ERAP1: variants seen among roughly 807,000 people sequenced by gnomAD.
The protein encoded by ERAP1 is adipocyte-derived leucine aminopeptidase.
ERAP1 carries 86 observed loss-of-function variants against 103.7 expected under a neutral mutation model. That is an observed-to-expected ratio of 0.83 (90% CI 0.70 to 0.99). ERAP1 has a LOEUF of 0.99. ERAP1 is among the 50% of genes least tolerant of loss of function. The pLI, the probability that ERAP1 is intolerant of heterozygous loss-of-function variation, is 0.00. For missense variants in ERAP1, 1,009 were observed against 1,128.4 expected (o/e 0.89, Z 1.52); for synonymous variants, 398 against 402.4 (o/e 0.99, Z 0.13).
chr5:96,888,825 G>A, the ERAP1 span, among the ~76,000 whole-genome samples: 4 of 152,240 alleles, frequency 2.6e-5, no homozygotes, highest in South Asian at 8.3e-4. Context: ...TGTGTTTGTG[G>A]TCATCATTTT....
At chr5:96,873,185 T>C in the ERAP1 span, 1 of 366,044 alleles carries the variant, frequency 2.7e-6, no homozygotes, top group East Asian at 7.4e-5. Flanking sequence ...TGAGACTTTG[T>C]CAAAAAAAAA....
At chr5:96,782,275 C>T (rs1775322097) in intron 15 of ERAP1, among the ~76,000 whole-genome samples, 1 of 152,076 alleles carries the variant, frequency 6.6e-6, no homozygotes, top group African/African-American at 2.4e-5. Context: ...TCCCAAAGTG[C>T]TGGGATTACA....
chr5:96,837,929 C>G, the ERAP1 span, among the ~76,000 whole-genome samples: 2 of 152,116 alleles, frequency 1.3e-5, no homozygotes, highest in Admixed American at 6.5e-5. Context: ...ATCAAGCCGT[C>G]CCTCTGAAGT....
chr5:96,881,274 G>C, the ERAP1 span: 2 of 386,588 alleles, frequency 5.2e-6, no homozygotes, highest in African/African-American at 2.1e-5. Flanking sequence ...GGTCATTGCA[G>C]TAGTTCAGGT....
the ERAP1 span, among the ~76,000 whole-genome samples, chr5:96,890,371 T>C: frequency 1.3e-5 from 2 of 152,216 alleles, no homozygotes; most frequent in Non-Finnish European, 2.9e-5. Context: ...GAGAATCTAA[T>C]GACACCTCTG....
chr5:96,892,021 A>G, the ERAP1 span, among the ~76,000 whole-genome samples: 762 of 152,276 alleles, frequency 5.0e-3, 4 homozygotes, highest in African/African-American at 0.017. Context: ...GGCACCCAAA[A>G]TATTTTCAGA....
chr5:96,795,813 A>G (rs1777287892), intron 4 of ERAP1, among the ~76,000 whole-genome samples: 1 of 152,246 alleles, frequency 6.6e-6, no homozygotes, highest in African/African-American at 2.4e-5. Flanking sequence ...AACATAATTC[A>G]TAATACAAAC....
chr5:96,904,324 G>T, the ERAP1 span, among the ~76,000 whole-genome samples: 2 of 152,160 alleles, frequency 1.3e-5, no homozygotes, highest in Non-Finnish European at 2.9e-5. Flanking sequence ...ATTGTGCATT[G>T]CAAGCTTTCC....
Position 96,795,126 on chromosome 5 carries a change from CTTGAT to C in ERAP1, c.830_834del (p.Asn277SerfsTer16). 6.2e-7 allele frequency: 1 copy of C among 1,613,842 alleles called. No individual in the cohort carries two copies. Among genetic ancestry groups the C allele is most frequent in the African/African-American group, 1.3e-5 (1 of 74,984 alleles). On this transcript the variant is annotated frameshift_variant, in exon 5 of 19. Coordinates refer to ENST00000443439, the MANE Select transcript of ERAP1 (RefSeq NM_001040458.3). LOFTEE classifies it high-confidence loss of function. Reference sequence around the variant, plus strand: ...ACCGCAGCATCCAGTGCATAATCTGCTTGATTTATCTTGTCTGGCACAGCATAAAC... The same window carrying C: ...ACCGCAGCATCCAGTGCATAATCTGCTTATCTTGTCTGGCACAGCATAAAC...
upstream of ERAP1, among the ~76,000 whole-genome samples, chr5:96,811,600 A>T (rs1194707880): frequency 6.6e-6 from 1 of 152,214 alleles, no homozygotes; most frequent in Non-Finnish European, 1.5e-5. Flanking sequence ...AAGAGGACCA[A>T]TGCTTTCCTT....
At chr5:96,908,875 T>G in the ERAP1 span, 5 of 1,352,144 alleles carry the variant, frequency 3.7e-6, no homozygotes, top group Non-Finnish European at 5.1e-6. Context: ...TCTGTTATTG[T>G]TCTCTATTTC....
At chr5:96,799,788 A>G (rs977848492) in intron 3 of ERAP1, among the ~76,000 whole-genome samples, 3 of 152,248 alleles carry the variant, frequency 2.0e-5, no homozygotes, top group African/African-American at 4.8e-5. Flanking sequence ...TTGTCTTTTC[A>G]TATACAAGGG....
the ERAP1 span, among the ~76,000 whole-genome samples, chr5:96,885,934 A>C: frequency 6.6e-6 from 1 of 152,232 alleles, no homozygotes; most frequent in African/African-American, 2.4e-5. Flanking sequence ...AGATGGACAG[A>C]AGCTTAAATT....
At chr5:96,856,392 A>AGAGAGAGAGC in the ERAP1 span, among the ~76,000 whole-genome samples, 1 of 127,946 alleles carries the variant, frequency 7.8e-6, no homozygotes, top group South Asian at 2.9e-4. Flanking sequence ...AGAGAGAGAG[A>AGAGAGAGAGC]GAGCAAATAC....
chr5:96,792,022 A>AGTATCTAAACT, intron 8 of ERAP1, 39 bp downstream of exon 8: 1 of 1,609,640 alleles, frequency 6.2e-7, no homozygotes, highest in Non-Finnish European at 8.5e-7. Flanking sequence ...GTATAACTTT[A>AGTATCTAAACT]GTATCTAAAC....
the ERAP1 span, among the ~76,000 whole-genome samples, chr5:96,830,770 C>T: frequency 6.6e-6 from 1 of 152,132 alleles, no homozygotes; most frequent in Non-Finnish European, 1.5e-5. Context: ...CTGATTGCCT[C>T]TGGAGAGGAA....
the ERAP1 span, among the ~76,000 whole-genome samples, chr5:96,822,690 A>G: frequency 0.015 from 301 of 20,068 alleles, no homozygotes; most frequent in African/African-American, 0.058. Context: ...AGCCTTGGTA[A>G]CATAGCAAGA....
At chr5:96,856,270 G>A in the ERAP1 span, among the ~76,000 whole-genome samples, 1 of 129,592 alleles carries the variant, frequency 7.7e-6, no homozygotes, top group Non-Finnish European at 1.6e-5. Context: ...AGTGAGCCAA[G>A]ATTGCACCAT....
chr5:96,772,070 C>T (rs27581), downstream of ERAP1: 66,897 of 159,136 alleles, frequency 0.42, 14,472 homozygotes, highest in South Asian at 0.47. Context: ...GTCCTGAAGA[C>T]ATTGGCATTC....
Sources: gnomAD v4.1 joint callset for allele counts (sites outside exome capture counted in the v4.1 genomes callset) on GRCh38, gnomAD v4.1.1 for gene constraint, MANE v1.5 for transcripts, NCBI Gene and HGNC (gene_info 2026-07-23, HGNC 2026-07-21) for gene names.